Variants in ITPR1 observed in about 807,000 individuals in gnomAD.
ITPR1 encodes the protein inositol 1,4,5-trisphosphate receptor type 1.
In ITPR1, 96 loss-of-function variants were observed where a neutral mutation model predicts 318.4. The ratio of observed to expected loss-of-function variants is 0.30; its 90% CI spans 0.26 to 0.36. The LOEUF is 0.36. Among genes scored for constraint, ITPR1 ranks in the 10% least tolerant of loss-of-function variants. The pLI is 1.00. For missense variants in ITPR1, 2,440 were observed against 3,460.2 expected (o/e 0.71, Z 7.40); for synonymous variants, 1,312 against 1,289.9 (o/e 1.02, Z -0.37).
chr3:4,665,443 C>G, intron 17 of ITPR1, 147 bp downstream of exon 17: 2 of 655,136 alleles, frequency 3.1e-6, no homozygotes, highest in Non-Finnish European at 4.9e-6. Context: ...GAAGGAAACA[C>G]AAGCCCAGGA....
chr3:4,663,993 T>C (rs1281825891), intron 16 of ITPR1, among the ~76,000 whole-genome samples: 1 of 152,228 alleles, frequency 6.6e-6, no homozygotes, highest in Non-Finnish European at 1.5e-5. Flanking sequence ...TTCAGTTCAA[T>C]TGATTTTTAG....
intron 29 of ITPR1, among the ~76,000 whole-genome samples, chr3:4,684,792 G>A (rs993769267): frequency 2.6e-5 from 4 of 152,144 alleles, no homozygotes; most frequent in Non-Finnish European, 4.4e-5. Flanking sequence ...CCAGGGTCTC[G>A]GCAATGATGC....
chr3:4,615,120 C>G (rs899000496), intron 4 of ITPR1, among the ~76,000 whole-genome samples: 1 of 152,176 alleles, frequency 6.6e-6, no homozygotes, highest in African/African-American at 2.4e-5. Context: ...AGGGTGCTGC[C>G]TCTGTCACAG....
chr3:4,543,365 G>T (rs530179040), intron 4 of ITPR1, among the ~76,000 whole-genome samples: 1 of 152,142 alleles, frequency 6.6e-6, no homozygotes, highest in Non-Finnish European at 1.5e-5. Flanking sequence ...GCTTAGGCTG[G>T]GGACTTGGAT....
chr3:4,541,571 T>C (rs1237379090), intron 4 of ITPR1, among the ~76,000 whole-genome samples: 1 of 152,184 alleles, frequency 6.6e-6, no homozygotes, highest in African/African-American at 2.4e-5. Flanking sequence ...GTTCCTAGAT[T>C]TGAGGTTGTT....
intron 40 of ITPR1, among the ~76,000 whole-genome samples, chr3:4,722,751 C>T (rs923939520): frequency 4.5e-5 from 3 of 66,032 alleles, no homozygotes; most frequent in African/African-American, 1.2e-4. Flanking sequence ...ATGCCTGGCC[C>T]ATGGGTTGGA....
chr3:4,834,144 C>T (rs560827019), intron 60 of ITPR1, among the ~76,000 whole-genome samples: 79 of 152,256 alleles, frequency 5.2e-4, no homozygotes, highest in African/African-American at 1.1e-3. Context: ...CCACCCACCT[C>T]GGCCTCCCAA....
chr3:4,763,538 A>G (rs1264761437), intron 44 of ITPR1, among the ~76,000 whole-genome samples: 1 of 152,144 alleles, frequency 6.6e-6, no homozygotes, highest in African/African-American at 2.4e-5. Flanking sequence ...CTCATTCCCC[A>G]TTCTCCAGTT....
intron 4 of ITPR1, among the ~76,000 whole-genome samples, chr3:4,598,657 A>C (rs2091038922): frequency 6.6e-6 from 1 of 152,192 alleles, no homozygotes; most frequent in South Asian, 2.1e-4. Context: ...AAATATGGTT[A>C]TCACTTCTGC....
At chr3:4,675,909 C>T (rs1207412339) in intron 23 of ITPR1, among the ~76,000 whole-genome samples, 2 of 152,072 alleles carry the variant, frequency 1.3e-5, no homozygotes, top group Non-Finnish European at 2.9e-5. Flanking sequence ...TGTTGAGCTC[C>T]TTTATTTCCA....
intron 44 of ITPR1, among the ~76,000 whole-genome samples, chr3:4,766,233 G>C (rs1426667124): frequency 6.6e-6 from 1 of 152,334 alleles, no homozygotes; most frequent in South Asian, 2.1e-4. Flanking sequence ...GTGTGCAAGG[G>C]TGGAAGGGAA....
At chr3:4,709,046 CA>C (rs2094816576) in intron 37 of ITPR1, among the ~76,000 whole-genome samples, 1 of 152,180 alleles carries the variant, frequency 6.6e-6, no homozygotes, top group African/African-American at 2.4e-5. Flanking sequence ...ATGATAAGAA[CA>C]ACTTTAATCC....
At chr3:4,517,310 G>A (rs1015849677) in intron 3 of ITPR1, among the ~76,000 whole-genome samples, 1 of 152,178 alleles carries the variant, frequency 6.6e-6, no homozygotes, top group South Asian at 2.1e-4. Flanking sequence ...AGTTACGAAT[G>A]GTCTATATTG....
intron 51 of ITPR1, 58 bp downstream of exon 51, chr3:4,783,978 C>A (rs928179121): frequency 2.5e-6 from 3 of 1,177,102 alleles, no homozygotes; most frequent in Non-Finnish European, 3.7e-6. Flanking sequence ...GTGTGCAATG[C>A]CCTGCTCTGG....
intron 52 of ITPR1, among the ~76,000 whole-genome samples, chr3:4,791,426 G>A (rs1251288926): frequency 6.6e-6 from 1 of 152,116 alleles, no homozygotes; most frequent in African/African-American, 2.4e-5. Flanking sequence ...CAGCCTCCTA[G>A]ATCCCTCACA....
chr3:4,754,237 G>A (rs1366320792), intron 44 of ITPR1, among the ~76,000 whole-genome samples: 1 of 152,120 alleles, frequency 6.6e-6, no homozygotes, highest in African/African-American at 2.4e-5. Context: ...TGCAACTCCT[G>A]CTTCAGCCCT....
intron 2 of ITPR1, among the ~76,000 whole-genome samples, chr3:4,514,064 G>A (rs2082019523): frequency 6.6e-6 from 1 of 151,188 alleles, no homozygotes; most frequent in South Asian, 2.1e-4. Flanking sequence ...TCCAGCTTGG[G>A]CAACAGAGCA....
intron 20 of ITPR1, 31 bp from the exon 21 acceptor site, chr3:4,673,105 G>A (rs373576282): frequency 3.1e-5 from 49 of 1,593,954 alleles, no homozygotes; most frequent in Admixed American, 5.1e-5. Flanking sequence ...TTTCTGGAGC[G>A]TGAGCTGTGT....
At chr3:4,818,289 C>T (rs775375633) in intron 60 of ITPR1, 47 bp downstream of exon 60, 1 of 1,463,078 alleles carries the variant, frequency 6.8e-7, no homozygotes, top group Non-Finnish European at 9.3e-7. Context: ...GGGGCCTACT[C>T]AGCTCTGAGC....
Sources: allele counts gnomAD v4.1 joint callset (sites outside exome capture counted in the v4.1 genomes callset), GRCh38; gene constraint gnomAD v4.1.1; transcripts MANE v1.5; gene names NCBI Gene and HGNC (gene_info 2026-07-23, HGNC 2026-07-21).